The following CNNM2 variants were observed in gnomAD, a reference collection of about 807,000 sequenced individuals.
The protein encoded by CNNM2 is cyclin and CBS domain divalent metal cation transport mediator 2.
A neutral mutation model predicts 66.9 loss-of-function variants in CNNM2; 12 were observed. The ratio of observed to expected loss-of-function variants is 0.18; its 90% CI spans 0.11 to 0.29. CNNM2 has a LOEUF of 0.29. CNNM2 is among the 10% of genes least tolerant of loss of function. The pLI is 1.00. For synonymous variants in CNNM2, 557 were observed against 501.8 expected (o/e 1.11, Z -1.47); for missense variants, 705 against 1,167.7 (o/e 0.60, Z 5.77).
intron 1 of CNNM2, among the ~76,000 whole-genome samples, chr10:103,048,943 A>G (rs2065173915): frequency 6.6e-6 from 1 of 151,532 alleles, no homozygotes; most frequent in Admixed American, 6.6e-5. Flanking sequence ...GCAGCCTCGA[A>G]CTCCTGGATC....
intron 1 of CNNM2, among the ~76,000 whole-genome samples, chr10:103,011,177 G>A (rs749116955): frequency 2.0e-5 from 3 of 152,146 alleles, no homozygotes; most frequent in African/African-American, 2.4e-5. Context: ...CATTCCGGCC[G>A]GGCACAGTGG....
chr10:103,049,968 G>T lies in CNNM2; in HGVS notation c.1765+118G>T. The T allele has an allele frequency of 4.2e-6, 4 of 948,520 alleles. No homozygotes were observed. In the South Asian group the frequency reaches 6.6e-5, roughly 16 times the overall value. 58.8% of individuals were successfully genotyped at this position (948,520 alleles called of 1,614,324 possible). On this transcript the variant is annotated intron_variant, in intron 2 of 7. Transcript: ENST00000369878. ...CTGTTTATAATGACACATGATGTGTGTAGGCCGTGCACAACCTGTTGGTAT... is the reference window on the plus strand; with the variant it reads ...CTGTTTATAATGACACATGATGTGTTTAGGCCGTGCACAACCTGTTGGTAT...
At chr10:103,062,807 G>A (rs1024164077) in intron 4 of CNNM2, among the ~76,000 whole-genome samples, 3 of 152,138 alleles carry the variant, frequency 2.0e-5, no homozygotes, top group Non-Finnish European at 4.4e-5. Context: ...GCCTCCACTG[G>A]GTGTGACTGA....
intron 1 of CNNM2, among the ~76,000 whole-genome samples, chr10:102,922,351 G>A (rs375644412): frequency 1.3e-5 from 2 of 151,536 alleles, no homozygotes; most frequent in African/African-American, 4.9e-5. Context: ...TATCAGTTTG[G>A]TTACTTTAAC....
chr10:103,088,340 A>C lies in CNNM2; in HGVS notation c.*11160A>C, dbSNP rs2065945566. ...TTTTAATACCCTAACATACACAGTAATGATTCATTCTTGTTTAAAACAAGA... is the reference window on the plus strand; with the variant it reads ...TTTTAATACCCTAACATACACAGTACTGATTCATTCTTGTTTAAAACAAGA... On this transcript the variant is annotated 3_prime_UTR_variant, in exon 8 of 8. Transcript: ENST00000369878. 1 of 152,244 alleles carries C rather than the reference A, an allele frequency of 6.6e-6. No individual in the cohort carries two copies. The highest frequency in any genetic ancestry group is 6.5e-5 in the Admixed American group (1 of 15,286). 9.4% of individuals were successfully genotyped at this position (152,244 alleles called of 1,614,324 possible). A position where few individuals can be genotyped will look rare whatever the true frequency, so the allele number is the denominator to read the frequency against.
chr10:103,016,808 C>G (rs74156608), intron 1 of CNNM2, among the ~76,000 whole-genome samples: 38 of 152,208 alleles, frequency 2.5e-4, no homozygotes, highest in African/African-American at 8.7e-4. Flanking sequence ...CACTCTTGCC[C>G]GTAGCCTCCT....
In CNNM2 at chr10:103,046,089, C is replaced by T. The variant is rs12264034; in HGVS notation, c.1622-3618C>T. On this transcript the variant is annotated intron_variant, in intron 1 of 7. Transcript: ENST00000369878. ...CATTACCACTTAGTGATCACCCAGC[C>T]GATTCCAGGCAGTGTCTTTGCTGGG... Among the ~76,000 whole-genome samples the T allele has an allele frequency of 0.099, 15,137 of 152,298 alleles. 2,527 individuals carry two copies. The highest frequency in any genetic ancestry group is 0.34 in the African/African-American group (14,186 of 41,532).
chr10:102,956,173 A>G (rs1590306006), intron 1 of CNNM2, among the ~76,000 whole-genome samples: 1 of 152,120 alleles, frequency 6.6e-6, no homozygotes, highest in African/African-American at 2.4e-5. Flanking sequence ...CTGTAGTCCC[A>G]GCTGCTCGGG....
At chr10:103,006,525 C>T (rs1387000035) in intron 1 of CNNM2, among the ~76,000 whole-genome samples, 1 of 151,988 alleles carries the variant, frequency 6.6e-6, no homozygotes, top group Admixed American at 6.6e-5. Context: ...TTTTGTATAG[C>T]TCCCCTTCAT....
chr10:103,067,552 T>G (rs1041473645), intron 4 of CNNM2, among the ~76,000 whole-genome samples: 5 of 152,218 alleles, frequency 3.3e-5, no homozygotes, highest in African/African-American at 1.2e-4. Flanking sequence ...GTTCACCCAT[T>G]GTAAAGGATG....
intron 1 of CNNM2, among the ~76,000 whole-genome samples, chr10:102,946,463 A>C (rs1846621056): frequency 6.6e-6 from 1 of 152,270 alleles, no homozygotes; most frequent in East Asian, 1.9e-4. Flanking sequence ...TAGTGATACT[A>C]ATTGAACTTG....
rs568045557 is a variant in CNNM2, at chr10:103,085,324, G to A, written c.*8144G>A. ...TGTTTAAAGATACCCACACACTCAA[G>A]TCAAAGATAACTCTGGTGAGAACAC... is the stretch of plus-strand genomic sequence containing the variant. On this transcript the variant is annotated 3_prime_UTR_variant, in exon 8 of 8. Transcript: ENST00000369878. 6.6e-6 allele frequency: 1 copy of A among 152,324 alleles called. No homozygotes were observed. Among genetic ancestry groups the A allele is most frequent in the East Asian group, 1.9e-4 (1 of 5,192 alleles). 9.4% of individuals were successfully genotyped at this position (152,324 alleles called of 1,614,324 possible).
At chr10:103,009,010 C>T (rs1331077752) in intron 1 of CNNM2, among the ~76,000 whole-genome samples, 3 of 152,132 alleles carry the variant, frequency 2.0e-5, no homozygotes, top group African/African-American at 7.2e-5. Context: ...GACACGGTGG[C>T]CCACACCTGT....
intron 1 of CNNM2, among the ~76,000 whole-genome samples, chr10:102,994,947 A>G (rs900644710): frequency 6.6e-6 from 1 of 152,146 alleles, no homozygotes; most frequent in African/African-American, 2.4e-5. Flanking sequence ...GACGACCTAC[A>G]AAGAAAGGAG....
At chr10:102,981,792 G>A (rs1312349040) in intron 1 of CNNM2, among the ~76,000 whole-genome samples, 2 of 151,190 alleles carry the variant, frequency 1.3e-5, no homozygotes, top group Non-Finnish European at 2.9e-5. Context: ...ATAATAGTAA[G>A]TGTTTATTGG....
At chr10:102,948,335 G>A (rs1314105359) in intron 1 of CNNM2, among the ~76,000 whole-genome samples, 1 of 152,138 alleles carries the variant, frequency 6.6e-6, no homozygotes, top group Non-Finnish European at 1.5e-5. Flanking sequence ...GAAGAAAGTA[G>A]CTTTTGGGTG....
chr10:102,947,633 C>A (rs951785459), intron 1 of CNNM2, among the ~76,000 whole-genome samples: 1 of 152,000 alleles, frequency 6.6e-6, no homozygotes, highest in African/African-American at 2.4e-5. Flanking sequence ...CGCCTGTAAT[C>A]CCAGCTACTT....
chr10:102,964,645 C>G (rs1211061464), intron 1 of CNNM2, among the ~76,000 whole-genome samples: 4 of 152,110 alleles, frequency 2.6e-5, no homozygotes, highest in Admixed American at 2.6e-4. Flanking sequence ...TGCTGTGATA[C>G]AGCAGAGAAG....
intron 1 of CNNM2, among the ~76,000 whole-genome samples, chr10:103,009,686 A>G (rs1192887201): frequency 6.8e-6 from 1 of 147,182 alleles, no homozygotes; most frequent in Non-Finnish European, 1.5e-5. Context: ...AAAAAAAAAA[A>G]AAAAAAAAAA....
Sources: gnomAD v4.1 joint callset for allele counts (sites outside exome capture counted in the v4.1 genomes callset) on GRCh38, gnomAD v4.1.1 for gene constraint, MANE v1.5 for transcripts, NCBI Gene and HGNC (gene_info 2026-07-23, HGNC 2026-07-21) for gene names.